CCM2L: variants seen among roughly 807,000 people sequenced by gnomAD.
The protein encoded by CCM2L is cerebral cavernous malformations 2 protein-like.
A neutral mutation model predicts 54.1 loss-of-function variants in CCM2L; 36 were observed. That is an observed-to-expected ratio of 0.67 (90% confidence interval 0.51 to 0.88). The LOEUF (loss-of-function observed/expected upper bound fraction) is 0.88, where lower values mean the gene tolerates loss of function less well. Ranked by LOEUF, CCM2L falls within the 40% of genes least tolerant of loss-of-function variation. The pLI, the probability that CCM2L is intolerant of heterozygous loss-of-function variation, is 0.00. For missense variants in CCM2L, 700 were observed against 812.1 expected, an observed-to-expected ratio of 0.86 and a Z score of 1.68; for synonymous variants, 351 against 359.3, an observed-to-expected ratio of 0.98 and a Z score of 0.26.
In CCM2L at chr20:32,025,920, G is replaced by A. The variant is rs1389527944; in HGVS notation, c.1133+1G>A. The A allele has an allele frequency of 7.7e-7, 1 of 1,304,192 alleles. No homozygotes were observed. Among genetic ancestry groups the A allele is most frequent in the Non-Finnish European group, 1.0e-6 (1 of 988,924 alleles). 80.8% of individuals were successfully genotyped at this position (1,304,192 alleles called of 1,614,324 possible). A position where few individuals can be genotyped will look rare whatever the true frequency, so the allele number is the denominator to read the frequency against. The stretch of plus-strand genomic sequence containing the variant: ...CCGACTTCAGCTGCTGCAGCTCCTT[G>A]TGAGTACAGCCCCTGTCAGGGACTC... On this transcript the variant is annotated splice_donor_variant, in intron 7 of 9. Coordinates refer to ENST00000452892, the MANE Select transcript of CCM2L (RefSeq NM_001365692.1). LOFTEE classifies it high-confidence loss of function.
chr20:32,025,108 T>C (rs2064844002), intron 6 of CCM2L, among the ~76,000 whole-genome samples: 1 of 151,594 alleles, frequency 6.6e-6, no homozygotes, highest in Non-Finnish European at 1.5e-5. Context: ...TTTCTTTTCC[T>C]TCCCCTTCCC....
chr20:32,015,856 C>CTTTTTTTTTT (rs1275720098), intron 2 of CCM2L, among the ~76,000 whole-genome samples: 2 of 95,156 alleles, frequency 2.1e-5, no homozygotes, highest in African/African-American at 6.1e-5. Flanking sequence ...AGGAGCTGTA[C>CTTTTTTTTTT]TTCTTTTTTT....
chr20:32,012,685 T>C (rs2064704695), intron 1 of CCM2L, among the ~76,000 whole-genome samples: 2 of 152,130 alleles, frequency 1.3e-5, no homozygotes, highest in South Asian at 4.1e-4. Context: ...CAGATAAAGT[T>C]GGAAACTCAC....
rs1466055913 is a variant in CCM2L at position 32,014,940 on chromosome 20, A to G, written c.67A>G (p.Lys23Glu). 2.1e-5 allele frequency: 34 copies of G among 1,602,330 alleles called. No homozygotes were observed. The highest frequency in any genetic ancestry group is 2.7e-5 in the Non-Finnish European group (32 of 1,174,558). Residue 23 changes from lysine (K) to glutamate (E), a missense_variant, in exon 2 of 10, where the codon AAG becomes GAG. Transcript: ENST00000452892. ...CCCCATCCGAAGGCTGGTGTTCCCC[A>G]AGGCCGGGCGCCGGGCAGCCTGTAG... ...VSPIRRLVFPKAGRRAACRSS... is the reference protein window; with the variant it reads ...VSPIRRLVFPEAGRRAACRSS...
rs775722537 is a variant in CCM2L, at chr20:32,029,126, T to A, written c.1263+2T>A. 5 of 1,614,116 alleles carry A rather than the reference T, an allele frequency of 3.1e-6. No homozygotes were observed. The East Asian group carries it at 8.9e-5, about 29-fold the overall frequency. On this transcript the variant is annotated splice_donor_variant, in intron 8 of 9. Transcript: ENST00000452892. LOFTEE classifies it high-confidence loss of function. The stretch of plus-strand genomic sequence containing the variant: ...CAGTTACAGGATTACATGGTCACGG[T>A]GAGCTGGGGCCGGTGGTGGGAATGG...
chr20:32,026,745 G>A (rs189474679), intron 7 of CCM2L, among the ~76,000 whole-genome samples: 167 of 151,900 alleles, frequency 1.1e-3, no homozygotes, highest in Non-Finnish European at 2.1e-3. Flanking sequence ...GTATGGTGGC[G>A]CACACCTGTG....
chr20:32,015,094 T>G (rs562100832), intron 2 of CCM2L, 23 bp downstream of exon 2: 1 of 1,463,128 alleles, frequency 6.8e-7, no homozygotes, highest in African/African-American at 1.5e-5. Flanking sequence ...TGAGAAGGGG[T>G]GGGAAAACCT....
chr20:32,018,181 G>A lies in CCM2L; in HGVS notation c.466+19G>A. ...AAGACCGGTGCGGCGGGAGGGGGCG[G>A]GGGCGGGGGAGGGGCGGGGGCGGGG... On this transcript the variant is annotated intron_variant, in intron 4 of 9. Transcript: ENST00000452892. 1 of 1,018,708 alleles carries A rather than the reference G, an allele frequency of 9.8e-7. No individual in the cohort carries two copies. The highest frequency in any genetic ancestry group is 5.3e-5 in the East Asian group (1 of 18,932). 63.1% of individuals were successfully genotyped at this position (1,018,708 alleles called of 1,614,324 possible).
At position 32,031,392 on chromosome 20, in the gene CCM2L, GC is replaced by G. The variant is rs899105138; in HGVS notation, c.*85del. On this transcript the variant is annotated 3_prime_UTR_variant, in exon 10 of 10. Coordinates refer to ENST00000452892, the MANE Select transcript of CCM2L (RefSeq NM_001365692.1). ...TTGCTTCGGGGACCCTATCCCCAGG[GC>G]CCCCCCATCACACCTGGCGGGGCCG... 9.5e-6 allele frequency: 11 copies of G among 1,163,590 alleles called. No individual in the cohort carries two copies. The highest frequency in any genetic ancestry group is 5.9e-5 in the East Asian group (1 of 16,934). The allele number at this position is 1,163,590 out of a possible 1,614,324, so 72.1% of individuals were successfully genotyped here. A position where few individuals can be genotyped will look rare whatever the true frequency, so the allele number is the denominator to read the frequency against.
intron 6 of CCM2L, among the ~76,000 whole-genome samples, chr20:32,025,320 C>T (rs578014609): frequency 6.6e-6 from 1 of 150,512 alleles, no homozygotes; most frequent in South Asian, 2.1e-4. Flanking sequence ...CCAGCCTGGA[C>T]TGTAGTGGTA....
chr20:32,011,683 C>T (rs2064696882), intron 1 of CCM2L, among the ~76,000 whole-genome samples: 1 of 151,974 alleles, frequency 6.6e-6, no homozygotes, highest in African/African-American at 2.4e-5. Context: ...CAGTTTGAGT[C>T]GAGAACTGAC....
In CCM2L at chr20:32,031,020, G is replaced by A. The variant is rs938803052; in HGVS notation, c.1422G>A (p.Pro474=). The change falls in exon 10 of 10, where the codon CCG becomes CCA. Residue 474 remains proline (P), a synonymous_variant. Transcript: ENST00000452892. ...TCGCAGGGATGCGGCCCTTCATCCCGGACCAGGACATCGGCTACTTCGAGG... is the reference window on the plus strand; with the variant it reads ...TCGCAGGGATGCGGCCCTTCATCCCAGACCAGGACATCGGCTACTTCGAGG... The part of the protein sequence containing the change: ...FLLLGMRPFI[P]DQDIGYFEGF... 7.7e-7 allele frequency: 1 copy of A among 1,304,178 alleles called. No homozygotes were observed. Among genetic ancestry groups the A allele is most frequent in the Admixed American group, 2.3e-5 (1 of 43,542 alleles). 80.8% of individuals were successfully genotyped at this position (1,304,178 alleles called of 1,614,324 possible). A position where few individuals can be genotyped will look rare whatever the true frequency, so the allele number is the denominator to read the frequency against.
At position 32,031,465 on chromosome 20, in the gene CCM2L, G is replaced by A. The variant is rs780908831; in HGVS notation, c.*151G>A. On this transcript the variant is annotated 3_prime_UTR_variant, in exon 10 of 10. Coordinates refer to ENST00000452892, the MANE Select transcript of CCM2L (RefSeq NM_001365692.1). ...TCGCTCCCTGCCCTTGGGGCCCGGGGCCATGCAGTACCTGGAGTGTCCTGC... is the reference window on the plus strand; with the variant it reads ...TCGCTCCCTGCCCTTGGGGCCCGGGACCATGCAGTACCTGGAGTGTCCTGC... The A allele has an allele frequency of 7.1e-5, 39 of 546,072 alleles. 1 individual carries two copies. Among genetic ancestry groups the A allele is most frequent in the South Asian group, 5.8e-4 (29 of 49,876 alleles). 33.8% of individuals were successfully genotyped at this position (546,072 alleles called of 1,614,324 possible).
Position 32,029,026 on chromosome 20 carries a change from T to C in CCM2L, c.1165T>C (p.Tyr389His), listed in dbSNP as rs146219654. The change falls in exon 8 of 10, where the codon TAC becomes CAC. Residue 389 changes from tyrosine to histidine, a missense_variant. Physicochemically the swap from Tyr to His is moderately conservative, Grantham distance 83. Transcript: ENST00000452892. ...CTCCCAGGACACCTTTGAAGCATGTTACAGCGGCACGTCCACACCTTCTTT... is the reference window on the plus strand; with the variant it reads ...CTCCCAGGACACCTTTGAAGCATGTCACAGCGGCACGTCCACACCTTCTTT... Reference protein sequence around the residue: ...NGSQDTFEACYSGTSTPSFHG... With the variant: ...NGSQDTFEACHSGTSTPSFHG... The C allele has an allele frequency of 5.6e-6, 9 of 1,614,140 alleles. No homozygotes were observed. The East Asian group carries it at 8.9e-5, about 16-fold the overall frequency.
intron 2 of CCM2L, 40 bp downstream of exon 2, chr20:32,015,111 G>A (rs373166301): frequency 2.0e-4 from 296 of 1,447,366 alleles, no homozygotes; most frequent in South Asian, 5.0e-4. Flanking sequence ...ACCTTGGGGT[G>A]AGGAGACCTT....
Position 32,031,522 on chromosome 20 carries a change from G to T in CCM2L, c.*208G>T, listed in dbSNP as rs569060371. 3 of 331,606 alleles carry T rather than the reference G, an allele frequency of 9.0e-6. No homozygotes were observed. Among genetic ancestry groups the T allele is most frequent in the East Asian group, 1.1e-4 (1 of 8,938 alleles). The allele number at this position is 331,606 out of a possible 1,614,324, so 20.5% of individuals were successfully genotyped here. On this transcript the variant is annotated 3_prime_UTR_variant, in exon 10 of 10. Coordinates refer to ENST00000452892, the MANE Select transcript of CCM2L (RefSeq NM_001365692.1). ...AAAGCGAAGCCGGGCCCTGAAGTCCGGGGCAGTCACCCGGGGCTCCTGGGC... is the reference window on the plus strand; with the variant it reads ...AAAGCGAAGCCGGGCCCTGAAGTCCTGGGCAGTCACCCGGGGCTCCTGGGC...
At chr20:32,010,699 G>C in intron 1 of CCM2L, among the ~76,000 whole-genome samples, 1 of 152,188 alleles carries the variant, frequency 6.6e-6, no homozygotes, top group Admixed American at 6.5e-5. Context: ...CATCCCTAAC[G>C]TGGACAGACA....
At chr20:32,016,933 A>G (rs2064745920) in intron 2 of CCM2L, among the ~76,000 whole-genome samples, 1 of 152,108 alleles carries the variant, frequency 6.6e-6, no homozygotes, top group Non-Finnish European at 1.5e-5. Flanking sequence ...TGATTACTTG[A>G]GGTCAGGAGT....
chr20:32,028,785 A>C (rs535317223), intron 7 of CCM2L: 1 of 583,922 alleles, frequency 1.7e-6, no homozygotes, highest in Non-Finnish European at 3.0e-6. Flanking sequence ...GTAGAGGAAG[A>C]AGGAGAAGGG....
Sources: allele counts gnomAD v4.1 joint callset (sites outside exome capture counted in the v4.1 genomes callset), GRCh38; gene constraint gnomAD v4.1.1; transcripts MANE v1.5; gene names NCBI Gene and HGNC (gene_info 2026-07-23, HGNC 2026-07-21).